The following KLK2 variants were observed in gnomAD, a reference collection of about 807,000 sequenced individuals.
The protein encoded by KLK2 is kallikrein related peptidase 2, also known as kallikrein-2.
Under a neutral mutation model 23.0 loss-of-function variants are expected in KLK2, and 17 were observed. That is an observed-to-expected ratio of 0.74 (90% CI 0.51 to 1.11). KLK2 has a LOEUF of 1.11. KLK2 is among the 50% of genes least tolerant of loss of function. KLK2 has a pLI of 0.00. For missense variants in KLK2, 330 were observed against 325.9 expected (o/e 1.01, Z -0.10); for synonymous variants, 140 against 124.7 (o/e 1.12, Z -0.82).
chr19:50,875,481 G>A (rs2090273301), intron 2 of KLK2, among the ~76,000 whole-genome samples: 3 of 152,180 alleles, frequency 2.0e-5, no homozygotes. Flanking sequence ...TGAGGAGGGA[G>A]GAAGGAGAAG....
At chr19:50,873,900 CTT>C (rs1165647994) in intron 1 of KLK2, 5 of 233,858 alleles carry the variant, frequency 2.1e-5, no homozygotes, top group Non-Finnish European at 4.2e-5. Context: ...AGTCTACTGA[CTT>C]TTCCTATTCA....
intron 1 of KLK2, 195 bp from the exon 2 acceptor site, chr19:50,874,526 G>A (rs1399199003): frequency 5.7e-6 from 3 of 525,582 alleles, no homozygotes; most frequent in Admixed American, 3.5e-5. Context: ...GAAGCCTCCC[G>A]ACCTGGTCCA....
In KLK2 at chr19:50,879,451, G is replaced by C; in HGVS notation, c.*892G>C. ...GCTGATAGAGGAACTAGCCAGGTGG[G>C]GGCCTTTCCCTTTGGATGGGGGGCA... On this transcript the variant is annotated 3_prime_UTR_variant, in exon 5 of 5. Coordinates refer to ENST00000325321, the MANE Select transcript of KLK2 (RefSeq NM_005551.5). 4.3e-6 allele frequency: 1 copy of C among 232,590 alleles called. No homozygotes were observed. Among genetic ancestry groups the C allele is most frequent in the Non-Finnish European group, 8.5e-6 (1 of 117,768 alleles). The allele number at this position is 232,590 out of a possible 1,614,324, so 14.4% of individuals were successfully genotyped here.
At chr19:50,877,960 T>G (rs2090306220) in intron 4 of KLK2, among the ~76,000 whole-genome samples, 1 of 151,990 alleles carries the variant, frequency 6.6e-6, no homozygotes, top group African/African-American at 2.4e-5. Context: ...CCTCAGTGGG[T>G]CATTCTGATC....
At chr19:50,876,138 C>G in intron 2 of KLK2, 1 of 319,424 alleles carries the variant, frequency 3.1e-6, no homozygotes. Flanking sequence ...TTCTTTCTCC[C>G]TTCCTCTTCC....
chr19:50,878,500 T>C lies in KLK2; in HGVS notation c.727T>C (p.Tyr243His). The C allele has an allele frequency of 1.2e-6, 2 of 1,614,126 alleles. No individual in the cohort carries two copies. The highest frequency in any genetic ancestry group is 1.7e-6 in the Non-Finnish European group (2 of 1,179,964). Residue 243 changes from tyrosine (Y) to histidine (H), a missense_variant, in exon 5 of 5, where the codon TAC (tyrosine) becomes CAC (histidine). Physicochemically the swap from Tyr to His is moderately conservative, Grantham distance 83. Coordinates refer to ENST00000325321, the MANE Select transcript of KLK2 (RefSeq NM_005551.5). ...PCALPEKPAV[Y>H]TKVVHYRKWI... ...TGCCCTGCCTGAAAAGCCTGCTGTG[T>C]ACACCAAGGTGGTGCATTACCGGAA...
chr19:50,877,897 C>T (rs368664730), intron 4 of KLK2: 98 of 175,074 alleles, frequency 5.6e-4, no homozygotes, highest in African/African-American at 2.2e-3. Flanking sequence ...ACCCAGCCTC[C>T]CTCACAGTCT....
chr19:50,877,131 C>G (rs1208069521), intron 4 of KLK2, 123 bp downstream of exon 4: 55 of 1,255,046 alleles, frequency 4.4e-5, no homozygotes, highest in Admixed American at 7.8e-5. Context: ...GCCACGCCCC[C>G]TCCCCATGCC....
chr19:50,878,353 C>A, intron 4 of KLK2, 51 bp from the exon 5 acceptor site: 1 of 1,559,392 alleles, frequency 6.4e-7, no homozygotes, highest in Non-Finnish European at 8.8e-7. Flanking sequence ...GTTGCCTAGG[C>A]AGTTATTGGG....
At chr19:50,875,144 G>A (rs1014394646) in intron 2 of KLK2, 1 of 384,708 alleles carries the variant, frequency 2.6e-6, no homozygotes, top group African/African-American at 2.1e-5. Flanking sequence ...TGGTCTCTAT[G>A]TCCCTCTCTC....
Position 50,878,734 on chromosome 19 carries a change from A to C in KLK2, c.*175A>C. The C allele has an allele frequency of 1.7e-6, 1 of 574,412 alleles. No homozygotes were observed. Among genetic ancestry groups the C allele is most frequent in the South Asian group, 2.7e-5 (1 of 37,022 alleles). 35.6% of individuals were successfully genotyped at this position (574,412 alleles called of 1,614,324 possible). A position where few individuals can be genotyped will look rare whatever the true frequency, so the allele number is the denominator to read the frequency against. Reference sequence around the variant, plus strand: ...GTGTGGAGTCCAGGGCTGCTAGGAAAAGGAATGGGCAGACACAGGTGTATG... The same window carrying C: ...GTGTGGAGTCCAGGGCTGCTAGGAACAGGAATGGGCAGACACAGGTGTATG... On this transcript the variant is annotated 3_prime_UTR_variant, in exon 5 of 5. Transcript: ENST00000325321.
rs146007033 is a variant in KLK2 at position 50,873,503 on chromosome 19, G to A, written c.30G>A (p.Leu10=). Residue 10 remains leucine, a synonymous_variant, in exon 1 of 5, where the codon TTG becomes TTA. Coordinates refer to ENST00000325321, the MANE Select transcript of KLK2 (RefSeq NM_005551.5). Reference sequence around the variant, plus strand: ...GGGACCTGGTTCTCTCCATCGCCTTGTCTGTGGGGTGCACTGGTGAGATTG... The same window carrying A: ...GGGACCTGGTTCTCTCCATCGCCTTATCTGTGGGGTGCACTGGTGAGATTG... The part of the protein sequence containing the change: MWDLVLSIA[L]SVGCTGAVPL... The A allele has an allele frequency of 3.1e-6, 5 of 1,601,222 alleles. No homozygotes were observed. In the African/African-American group the frequency reaches 6.7e-5, roughly 21 times the overall value.
Position 50,874,822 on chromosome 19 carries a change from T to C in KLK2, c.148T>C (p.Cys50Arg). 6.2e-7 allele frequency: 1 copy of C among 1,613,748 alleles called. No homozygotes were observed. Among genetic ancestry groups the C allele is most frequent in the Non-Finnish European group, 8.5e-7 (1 of 1,179,884 alleles). ...TGTGTACAGTCATGGATGGGCACAC[T>C]GTGGGGGTGTCCTGGTGCACCCCCA... ...VAVYSHGWAHCGGVLVHPQWV... is the reference protein window; with the variant it reads ...VAVYSHGWAHRGGVLVHPQWV... The change falls in exon 2 of 5, where the codon TGT becomes CGT. Residue 50 changes from cysteine (C) to arginine (R), a missense_variant. Coordinates refer to ENST00000325321, the MANE Select transcript of KLK2 (RefSeq NM_005551.5).
chr19:50,875,204 C>T (rs1314846512), intron 2 of KLK2, among the ~76,000 whole-genome samples: 1 of 152,128 alleles, frequency 6.6e-6, no homozygotes, highest in African/African-American at 2.4e-5. Context: ...CTCTGGGTCT[C>T]TCTGTGGCCA....
chr19:50,879,023 A>G lies in KLK2; in HGVS notation c.*464A>G. On this transcript the variant is annotated 3_prime_UTR_variant, in exon 5 of 5. Coordinates refer to ENST00000325321, the MANE Select transcript of KLK2 (RefSeq NM_005551.5). ...ACAGCAAGGATGACGCTGTAAACAT[A>G]GCCCACGCTGTCCTGGGGGCACTGG... 4.2e-6 allele frequency: 1 copy of G among 235,304 alleles called. No homozygotes were observed. The highest frequency in any genetic ancestry group is 8.4e-6 in the Non-Finnish European group (1 of 119,222). The allele number at this position is 235,304 out of a possible 1,614,324, so 14.6% of individuals were successfully genotyped here.
At chr19:50,875,634 AC>A (rs1369490124) in intron 2 of KLK2, 4 of 152,384 alleles carry the variant, frequency 2.6e-5, no homozygotes, top group African/African-American at 9.6e-5. Context: ...CCCCGTCTCT[AC>A]TAAAAATACA....
At position 50,876,692 on chromosome 19, in the gene KLK2, A is replaced by T. The variant is rs150407674; in HGVS notation, c.427A>T (p.Thr143Ser). Residue 143 changes from threonine to serine, a missense_variant, in exon 3 of 5, where the codon ACC becomes TCC. Transcript: ENST00000325321. ...TDVVKVLGLP[T>S]QEPALGTTCY... ...TGTTGTGAAGGTCCTGGGCCTGCCC[A>T]CCCAGGAGCCAGCACTGGGGACCAC... 1 of 1,614,160 alleles carries T rather than the reference A, an allele frequency of 6.2e-7. No individual in the cohort carries two copies. The highest frequency in any genetic ancestry group is 8.5e-7 in the Non-Finnish European group (1 of 1,180,024).
rs114048794 is a variant in KLK2 at position 50,879,717 on chromosome 19, A to G, written c.*1158A>G. 246 of 229,762 alleles carry G rather than the reference A, an allele frequency of 1.1e-3. No individual in the cohort carries two copies. The highest frequency in any genetic ancestry group is 5.1e-3 in the African/African-American group (231 of 45,222). 14.2% of individuals were successfully genotyped at this position (229,762 alleles called of 1,614,324 possible). A position where few individuals can be genotyped will look rare whatever the true frequency, so the allele number is the denominator to read the frequency against. ...GATACAGCATGGTCCAGAGTCCCAG[A>G]TGTACAAAAACAGGGATTCATCACA... On this transcript the variant is annotated 3_prime_UTR_variant, in exon 5 of 5. Coordinates refer to ENST00000325321, the MANE Select transcript of KLK2 (RefSeq NM_005551.5).
chr19:50,876,979 C>G lies in KLK2; in HGVS notation c.601C>G (p.Leu201Val). The G allele has an allele frequency of 6.2e-7, 1 of 1,614,148 alleles. No homozygotes were observed. The highest frequency in any genetic ancestry group is 8.5e-7 in the Non-Finnish European group (1 of 1,180,016). ...KVTEFMLCAG[L>V]WTGGKDTCGG... is the part of the protein sequence containing the mutation. Reference sequence around the variant, plus strand: ...GACAGAGTTCATGTTGTGTGCTGGGCTCTGGACAGGTGGTAAAGACACTTG... The same window carrying G: ...GACAGAGTTCATGTTGTGTGCTGGGGTCTGGACAGGTGGTAAAGACACTTG... The change falls in exon 4 of 5, where the codon CTC becomes GTC. Residue 201 changes from leucine to valine, a missense_variant. Transcript: ENST00000325321.
Sources: allele counts gnomAD v4.1 joint callset (sites outside exome capture counted in the v4.1 genomes callset), GRCh38; gene constraint gnomAD v4.1.1; transcripts MANE v1.5; gene names NCBI Gene and HGNC (gene_info 2026-07-23, HGNC 2026-07-21).